The following MUC5B variants were observed in gnomAD, a reference collection of about 807,000 sequenced individuals.
MUC5B encodes the protein mucin 5B, oligomeric mucus/gel-forming, also known as mucin-5B.
MUC5B carries 116 observed loss-of-function variants against 376.9 expected under a neutral mutation model. The ratio of observed to expected loss-of-function variants is 0.31; its 90% CI spans 0.26 to 0.36. The LOEUF is 0.36. Among genes scored for constraint, MUC5B ranks in the 10% least tolerant of loss-of-function variants. The pLI is 1.00. For missense variants in MUC5B, 7,165 were observed against 7,769.9 expected (o/e 0.92, Z 2.93); for synonymous variants, 3,517 against 3,390.9 (o/e 1.04, Z -1.29).
At position 1,241,553 on chromosome 11, in the gene MUC5B, C is replaced by A; in HGVS notation, c.4673C>A (p.Thr1558Asn). Residue 1558 changes from threonine (T) to asparagine (N), a missense_variant, in exon 31 of 49, where the codon ACC becomes AAC. Thr to Asn is a moderately conservative substitution (Grantham distance 65, BLOSUM62 0). This residue lies in a region of MUC5B where 517 missense variants were observed against 545.3 expected (regional missense o/e 0.95). Coordinates refer to ENST00000529681, the MANE Select transcript of MUC5B (RefSeq NM_002458.3). ...ECQAESFPNWTLAQVGQKVHC... is the reference protein window; with the variant it reads ...ECQAESFPNWNLAQVGQKVHC... ...CAGGCCGAGAGCTTCCCCAACTGGA[C>A]CCTGGCACAGGTGGGGCAGAAGGTG... 1 of 1,612,592 alleles carries A rather than the reference C, an allele frequency of 6.2e-7. No homozygotes were observed.
At chr11:1,240,146 G>A (rs371260900) in intron 29 of MUC5B, 32 bp from the exon 30 acceptor site, 28 of 1,576,642 alleles carry the variant, frequency 1.8e-5, no homozygotes, top group Non-Finnish European at 2.4e-5. Context: ...GGGCTCGGAG[G>A]CCCTGGGTGA....
chr11:1,236,227 T>C, intron 23 of MUC5B, 159 bp from the exon 24 acceptor site: 1 of 637,514 alleles, frequency 1.6e-6, no homozygotes, highest in South Asian at 2.4e-5. Context: ...TGCCAAACCT[T>C]CGCTGAGGGT....
In MUC5B at chr11:1,249,962, A is replaced by T; in HGVS notation, c.13082A>T (p.His4361Leu). 6.2e-7 allele frequency: 1 copy of T among 1,606,032 alleles called. No individual in the cohort carries two copies. The highest frequency in any genetic ancestry group is 8.5e-7 in the Non-Finnish European group (1 of 1,177,562). ...CCCTCCTCCACTCCGGAGACCACCCACACCTCCACAGTGCTGACCACGAAG... is the reference window on the plus strand; with the variant it reads ...CCCTCCTCCACTCCGGAGACCACCCTCACCTCCACAGTGCTGACCACGAAG... ...IHPSSTPETTHTSTVLTTKAT... is the reference protein window; with the variant it reads ...IHPSSTPETTLTSTVLTTKAT... Residue 4361 changes from histidine to leucine, a missense_variant, in exon 31 of 49, where the codon CAC (histidine) becomes CTC (leucine). Around this residue, in one of 31 missense-constraint regions of MUC5B, gnomAD observed 431 missense variants for 390.4 expected, o/e 1.10. Transcript: ENST00000529681.
rs748955577 is a variant in MUC5B, at chr11:1,241,547, A to G, written c.4667A>G (p.Asn1556Ser). Reference protein sequence around the residue: ...DIECQAESFPNWTLAQVGQKV... With the variant: ...DIECQAESFPSWTLAQVGQKV... ...GAGTGCCAGGCCGAGAGCTTCCCCA[A>G]CTGGACCCTGGCACAGGTGGGGCAG... Residue 1556 changes from asparagine to serine, a missense_variant, in exon 31 of 49, where the codon AAC becomes AGC. Around this residue, in one of 31 missense-constraint regions of MUC5B, gnomAD observed 517 missense variants for 545.3 expected, o/e 0.95. Transcript: ENST00000529681. The G allele has an allele frequency of 5.6e-6, 9 of 1,612,530 alleles. No individual in the cohort carries two copies. In the Admixed American group the frequency reaches 1.0e-4, roughly 18 times the overall value.
In MUC5B at chr11:1,231,026, G is replaced by T. The variant is rs375147648; in HGVS notation, c.1540+21G>T. On this transcript the variant is annotated intron_variant, in intron 13 of 48. Coordinates refer to ENST00000529681, the MANE Select transcript of MUC5B (RefSeq NM_002458.3). ...GGCAGGTATGTGGCTCTCCCAGGAC[G>T]GCCGGGCTGGGTGGCGCCTGCTTGC... 2.4e-5 allele frequency: 37 copies of T among 1,567,294 alleles called. No individual in the cohort carries two copies. The African/African-American group carries it at 4.6e-4, about 20-fold the overall frequency.
At chr11:1,255,648 C>A in intron 37 of MUC5B, 90 bp downstream of exon 37, 2 of 324,754 alleles carry the variant, frequency 6.2e-6, no homozygotes, top group Non-Finnish European at 1.0e-5. Context: ...GCCCCCCAGA[C>A]CCCTCGGCCT....
chr11:1,232,258 G>T, intron 15 of MUC5B, 98 bp downstream of exon 15: 1 of 1,427,908 alleles, frequency 7.0e-7, no homozygotes, highest in African/African-American at 1.4e-5. Flanking sequence ...TGGGATTGGG[G>T]ACCCCATGGA....
Position 1,253,975 on chromosome 11 carries a change from A to T in MUC5B, c.15218-117A>T, listed in dbSNP as rs1274552942. On this transcript the variant is annotated intron_variant, in intron 33 of 48. Transcript: ENST00000529681. The surrounding 1 kb of genome is among the most constrained non-coding windows in gnomAD (Gnocchi z 4.3). ...TTATAGACGAGGCAGCTGAGGCCCC[A>T]GGGGCTTCAGTGGCTCCCCAAGGCG... 15 of 1,410,416 alleles carry T rather than the reference A, an allele frequency of 1.1e-5. No homozygotes were observed. The East Asian group carries it at 3.7e-4, about 35-fold the overall frequency. 87.4% of individuals were successfully genotyped at this position (1,410,416 alleles called of 1,614,324 possible).
rs746714148 is a variant in MUC5B, at chr11:1,251,448, C to T, written c.14568C>T (p.Thr4856=). ...TCACAGAGCCGAGCACTATAGCCAC[C>T]GTGATGGTGCCCACCGGTTCCACGG... ...WILTEPSTIA[T]VMVPTGSTAT... The change falls in exon 31 of 49, where the codon ACC becomes ACT. Residue 4856 remains threonine, a synonymous_variant. Transcript: ENST00000529681. 47 of 1,611,952 alleles carry T rather than the reference C, an allele frequency of 2.9e-5. No individual in the cohort carries two copies. The highest frequency in any genetic ancestry group is 1.6e-4 in the Middle Eastern group (1 of 6,080).
rs1379311705 is a variant in MUC5B at position 1,233,882 on chromosome 11, C to CCGCAT, written c.2377+37_2377+38insATCGC. ...CACCCCTGCCCTGCCCTGCCCTGCCCCGCCCCGCATCACCCCGCCTGGCCT... is the reference window on the plus strand; with the variant it reads ...CACCCCTGCCCTGCCCTGCCCTGCCCCGCATCGCCCCGCATCACCCCGCCTGGCCT... On this transcript the variant is annotated intron_variant, in intron 19 of 48. Coordinates refer to ENST00000529681, the MANE Select transcript of MUC5B (RefSeq NM_002458.3). The CCGCAT allele has an allele frequency of 1.9e-6, 3 of 1,555,820 alleles. No homozygotes were observed. The African/African-American group carries it at 4.1e-5, about 21-fold the overall frequency.
chr11:1,236,011 G>A (rs755796052), intron 23 of MUC5B, among the ~76,000 whole-genome samples: 3 of 152,226 alleles, frequency 2.0e-5, no homozygotes, highest in South Asian at 2.1e-4. Context: ...ATAAAGCAGC[G>A]CCGCTGGCCG....
chr11:1,228,489 A>G, intron 7 of MUC5B, 75 bp from the exon 8 acceptor site: 1 of 1,371,452 alleles, frequency 7.3e-7, no homozygotes. Flanking sequence ...CTGGCCTGCC[A>G]TGGGTCCTAT....
At position 1,257,961 on chromosome 11, in the gene MUC5B, AG is replaced by A; in HGVS notation, c.16451-134del. ...GAAGCAGCGGGGAGGTGGCCAAGCA[AG>A]GGGCCTGGAGGGAGCCCCCAGGGGC... is the stretch of plus-strand genomic sequence containing the variant. On this transcript the variant is annotated intron_variant, in intron 41 of 48. Transcript: ENST00000529681. The surrounding 1 kb of genome is among the most constrained non-coding windows in gnomAD (Gnocchi z 8.9). 1 of 964,508 alleles carries A rather than the reference AG, an allele frequency of 1.0e-6. No individual in the cohort carries two copies. The highest frequency in any genetic ancestry group is 1.5e-6 in the Non-Finnish European group (1 of 650,804). 59.7% of individuals were successfully genotyped at this position (964,508 alleles called of 1,614,324 possible).
chr11:1,230,872 C>G (rs1207265664), intron 12 of MUC5B, 64 bp from the exon 13 acceptor site: 2 of 1,539,226 alleles, frequency 1.3e-6, no homozygotes, highest in East Asian at 2.4e-5. Flanking sequence ...AGGCCACCCC[C>G]TCATTTGAGA....
At position 1,233,193 on chromosome 11, in the gene MUC5B, C is replaced by T. The variant is rs1183432258; in HGVS notation, c.2246C>T (p.Ala749Val). The T allele has an allele frequency of 1.9e-6, 3 of 1,603,000 alleles. No individual in the cohort carries two copies. Among genetic ancestry groups the T allele is most frequent in the Non-Finnish European group, 1.7e-6 (2 of 1,178,116 alleles). Residue 749 changes from alanine to valine, a missense_variant, in exon 18 of 49, where the codon GCC becomes GTC. Physicochemically the swap from Ala to Val is moderately conservative, Grantham distance 64. Coordinates refer to ENST00000529681, the MANE Select transcript of MUC5B (RefSeq NM_002458.3). ...AATGACGCGGGCGCCTGTGTGCCCG[C>T]CCAGGAGTGCCCCTGCTACGCTCAC... ...FLNDAGACVP[A>V]QECPCYAHGT...
chr11:1,251,247 C>T lies in MUC5B; in HGVS notation c.14367C>T (p.Thr4789=), dbSNP rs921509545. The T allele has an allele frequency of 1.2e-6, 2 of 1,611,384 alleles. No individual in the cohort carries two copies. Among genetic ancestry groups the T allele is most frequent in the African/African-American group, 1.3e-5 (1 of 74,756 alleles). The change falls in exon 31 of 49, where the codon ACC becomes ACT. Residue 4789 remains threonine, a synonymous_variant. Coordinates refer to ENST00000529681, the MANE Select transcript of MUC5B (RefSeq NM_002458.3). ...CCTCTACTCCAGAGACCACCCACAC[C>T]TCCACAGTGCTGACCACCACAGCCA... is the stretch of plus-strand genomic sequence containing the variant. The part of the protein sequence containing the change: ...HTSSTPETTH[T]STVLTTTATM...
rs935325681 is a variant in MUC5B at position 1,261,286 on chromosome 11, C to T, written c.17070-103C>T. ...GCAGGCCACTGTGGACAGAAGGGGG[C>T]GGCCGTCTGGCCCAGGACCCCAGAG... On this transcript the variant is annotated intron_variant, in intron 48 of 48. Transcript: ENST00000529681. 1.3e-4 allele frequency: 135 copies of T among 1,013,848 alleles called. No homozygotes were observed. The Middle Eastern group carries it at 3.1e-3, about 23-fold the overall frequency. The allele number at this position is 1,013,848 out of a possible 1,614,324, so 62.8% of individuals were successfully genotyped here. A position where few individuals can be genotyped will look rare whatever the true frequency, so the allele number is the denominator to read the frequency against.
In MUC5B at chr11:1,234,338, G is replaced by T; in HGVS notation, c.2478+33G>T. The T allele has an allele frequency of 6.5e-7, 1 of 1,533,546 alleles. No individual in the cohort carries two copies. The highest frequency in any genetic ancestry group is 8.9e-7 in the Non-Finnish European group (1 of 1,122,638). 95.0% of individuals were successfully genotyped at this position (1,533,546 alleles called of 1,614,324 possible). A position where few individuals can be genotyped will look rare whatever the true frequency, so the allele number is the denominator to read the frequency against. ...CCATGCTTCAGGGAGGGGTGGGCAG[G>T]GAAGGGGTCCCAGCTTTCCCAGCTC... On this transcript the variant is annotated intron_variant, in intron 20 of 48. Transcript: ENST00000529681. This position sits in a 1 kb window ranked among gnomAD's most constrained non-coding sequence, Gnocchi z 6.3.
chr11:1,229,789 A>G lies in MUC5B; in HGVS notation c.1202A>G (p.Asn401Ser), dbSNP rs1590169294. 18 of 1,600,862 alleles carry G rather than the reference A, an allele frequency of 1.1e-5. No homozygotes were observed. Among genetic ancestry groups the G allele is most frequent in the Non-Finnish European group, 1.4e-5 (17 of 1,175,142 alleles). ...GRTYSPGTSF[N>S]TTCSSCTCSG... ...ACCTACAGCCCGGGCACCTCCTTCA[A>G]CACCACCTGCAGCTCCTGGTACTTA... The change falls in exon 10 of 49, where the codon AAC becomes AGC. Residue 401 changes from asparagine (N) to serine (S), a missense_variant. Asn to Ser is a conservative substitution (Grantham distance 46). Around this residue, in one of 31 missense-constraint regions of MUC5B, gnomAD observed 640 missense variants for 733.0 expected, o/e 0.87. Transcript: ENST00000529681.
Sources: allele counts gnomAD v4.1 joint callset (sites outside exome capture counted in the v4.1 genomes callset), GRCh38; gene constraint gnomAD v4.1.1; regional missense constraint gnomAD v4.1.1; non-coding constraint Gnocchi (gnomAD v3.1); transcripts MANE v1.5; gene names NCBI Gene and HGNC (gene_info 2026-07-23, HGNC 2026-07-21).